CBFA2T3: variants seen among roughly 807,000 people sequenced by gnomAD.
The protein encoded by CBFA2T3 is transcriptional corepressor CBFA2T3.
Under a neutral mutation model 58.6 loss-of-function variants are expected in CBFA2T3, and 31 were observed. The observed-to-expected ratio is 0.53, with a 90% confidence interval of 0.40 to 0.71. The LOEUF is 0.71. Ranked by LOEUF, CBFA2T3 falls within the 30% of genes least tolerant of loss-of-function variation. The pLI is 0.00. For missense variants in CBFA2T3, 1,076 were observed against 963.1 expected (o/e 1.12, Z -1.55); for synonymous variants, 531 against 421.9 (o/e 1.26, Z -3.17).
intron 1 of CBFA2T3, among the ~76,000 whole-genome samples, chr16:88,908,536 C>T (rs574281803): frequency 3.2e-4 from 48 of 152,090 alleles, no homozygotes; most frequent in Non-Finnish European, 5.7e-4. Flanking sequence ...GTGCCGGGGC[C>T]GCTCATCCAT....
At position 88,878,101 on chromosome 16, in the gene CBFA2T3, C is replaced by T. The variant is rs529926282; in HGVS notation, c.1663-826G>A. 4.6e-5 allele frequency among the ~76,000 whole-genome samples: 7 copies of T among 152,380 alleles called. No individual in the cohort carries two copies. In the East Asian group the frequency reaches 1.3e-3, roughly 29 times the overall value. Reference sequence around the variant, plus strand: ...CGGTCCCTCCGCTGGGCCCGCTCCCCCGATGCCTGCGTGGCCAGCTTCATT... The same window carrying T: ...CGGTCCCTCCGCTGGGCCCGCTCCCTCGATGCCTGCGTGGCCAGCTTCATT... On this transcript the variant is annotated intron_variant, in intron 11 of 11. Coordinates refer to ENST00000268679, the MANE Select transcript of CBFA2T3 (RefSeq NM_005187.6).
At chr16:88,905,969 T>C (rs987508397) in intron 1 of CBFA2T3, among the ~76,000 whole-genome samples, 1 of 146,418 alleles carries the variant, frequency 6.8e-6, no homozygotes, top group African/African-American at 2.8e-5. Context: ...AGCAGGAGGC[T>C]GAGTCCTGCC....
chr16:88,881,358 C>G lies in CBFA2T3; in HGVS notation c.1335G>C (p.Lys445Asn), dbSNP rs1279172437. The change falls in exon 9 of 12, where the codon AAG (lysine) becomes AAC (asparagine). Residue 445 changes from lysine (K) to asparagine (N), a missense_variant. Transcript: ENST00000268679. The stretch of plus-strand genomic sequence containing the variant: ...GGGCCGCGGCGGGAGCGGGGCCCTT[C>G]TTTGTGTCCTCGGCGTCGCTGTAGC... ...ARRYSDAEDT[K>N]KGPAPAAARP... 4.4e-6 allele frequency: 7 copies of G among 1,586,136 alleles called. No individual in the cohort carries two copies. The highest frequency in any genetic ancestry group is 6.0e-6 in the Non-Finnish European group (7 of 1,167,896).
chr16:88,885,507 G>C lies in CBFA2T3; in HGVS notation c.894-238C>G, dbSNP rs558133215. Among the ~76,000 whole-genome samples, 3 of 152,246 alleles carry C rather than the reference G, an allele frequency of 2.0e-5. No individual in the cohort carries two copies. The highest frequency in any genetic ancestry group is 7.2e-5 in the African/African-American group (3 of 41,544). On this transcript the variant is annotated intron_variant, in intron 6 of 11. Coordinates refer to ENST00000268679, the MANE Select transcript of CBFA2T3 (RefSeq NM_005187.6). The surrounding 1 kb of genome is among the most constrained non-coding windows in gnomAD (Gnocchi z 5.3). Reference sequence around the variant, plus strand: ...CCTGCTCCAGCTGCATGGCATCCTGGGGCCTGGTGGTCAAAGAGCCGGACT... The same window carrying C: ...CCTGCTCCAGCTGCATGGCATCCTGCGGCCTGGTGGTCAAAGAGCCGGACT...
chr16:88,926,988 G>A (rs531663403), intron 1 of CBFA2T3, among the ~76,000 whole-genome samples: 2 of 152,234 alleles, frequency 1.3e-5, no homozygotes, highest in African/African-American at 4.8e-5. Context: ...TCCTGCCTCG[G>A]GCCTGGCACG....
chr16:88,943,874 C>G (rs1971828734), intron 1 of CBFA2T3, among the ~76,000 whole-genome samples: 1 of 152,184 alleles, frequency 6.6e-6, no homozygotes, highest in African/African-American at 2.4e-5. Flanking sequence ...GTCTGTCCGA[C>G]AAGGCCAGCG....
intron 2 of CBFA2T3, among the ~76,000 whole-genome samples, chr16:88,900,196 G>C (rs944195238): frequency 6.6e-6 from 1 of 152,256 alleles, no homozygotes; most frequent in African/African-American, 2.4e-5. Context: ...TAGGCTGTTT[G>C]GCTCCTACTG....
At chr16:88,974,136 C>A (rs934127727) in intron 1 of CBFA2T3, among the ~76,000 whole-genome samples, 2 of 152,232 alleles carry the variant, frequency 1.3e-5, no homozygotes, top group Admixed American at 6.5e-5. Flanking sequence ...GCACCCTCCT[C>A]GGGTGACCTG....
rs973351280 is a variant in CBFA2T3, at chr16:88,941,092, C to T, written c.151+35565G>A. ...GCGACTCGGTCCGGGAGTCGCTGCT[C>T]CTTCCAGCTTGGTCCCCGCCTCCAC... On this transcript the variant is annotated intron_variant, in intron 1 of 11. Transcript: ENST00000268679. 1.6e-5 allele frequency: 16 copies of T among 984,628 alleles called. No homozygotes were observed. In the African/African-American group the frequency reaches 2.4e-4, roughly 15 times the overall value. The allele number at this position is 984,628 out of a possible 1,614,324, so 61.0% of individuals were successfully genotyped here. A position where few individuals can be genotyped will look rare whatever the true frequency, so the allele number is the denominator to read the frequency against.
In CBFA2T3 at chr16:88,976,600, C is replaced by T. The variant is rs544957725; in HGVS notation, c.151+57G>A. 333 of 1,354,624 alleles carry T rather than the reference C, an allele frequency of 2.5e-4. No homozygotes were observed. In the African/African-American group the frequency reaches 3.6e-3, roughly 15 times the overall value. The allele number at this position is 1,354,624 out of a possible 1,614,324, so 83.9% of individuals were successfully genotyped here. A position where few individuals can be genotyped will look rare whatever the true frequency, so the allele number is the denominator to read the frequency against. ...GCGAAGCTCTAAGGAGTCACAGCCC[C>T]GGCACCGGCTGCCGCTCTCTGCCCC... On this transcript the variant is annotated intron_variant, in intron 1 of 11. Coordinates refer to ENST00000268679, the MANE Select transcript of CBFA2T3 (RefSeq NM_005187.6).
At chr16:88,881,555 C>A in intron 8 of CBFA2T3, 66 bp from the exon 9 acceptor site, 2 of 1,505,858 alleles carry the variant, frequency 1.3e-6, no homozygotes, top group East Asian at 2.3e-5. Context: ...ACTCCCCCAG[C>A]CCACTCGGCC....
At chr16:88,964,901 TATCCACTTATCC>T (rs1292566658) in intron 1 of CBFA2T3, among the ~76,000 whole-genome samples, 1 of 137,370 alleles carries the variant, frequency 7.3e-6, no homozygotes, top group African/African-American at 2.8e-5. Flanking sequence ...ATCCACCATC[TATCCACTTATCC>T]ATCCATCCAT....
intron 1 of CBFA2T3, among the ~76,000 whole-genome samples, chr16:88,971,212 C>T (rs1203559694): frequency 1.2e-4 from 18 of 152,128 alleles, no homozygotes; most frequent in South Asian, 6.2e-4. Context: ...TGGGTTCACA[C>T]GATTCTCCCG....
Position 88,974,123 on chromosome 16 carries a change from C to T in CBFA2T3, c.151+2534G>A, listed in dbSNP as rs552358813. Among the ~76,000 whole-genome samples the T allele has an allele frequency of 3.3e-5, 5 of 152,318 alleles. No homozygotes were observed. In the East Asian group the frequency reaches 9.6e-4, roughly 29 times the overall value. ...CAGGTGGATTTCAAAATCTCTGTCCCTGGCACCCTCCTCGGGTGACCTGGT... is the reference window on the plus strand; with the variant it reads ...CAGGTGGATTTCAAAATCTCTGTCCTTGGCACCCTCCTCGGGTGACCTGGT... On this transcript the variant is annotated intron_variant, in intron 1 of 11. Transcript: ENST00000268679.
chr16:88,971,708 C>T (rs747034932), intron 1 of CBFA2T3, among the ~76,000 whole-genome samples: 1 of 152,202 alleles, frequency 6.6e-6, no homozygotes, highest in Non-Finnish European at 1.5e-5. Flanking sequence ...GGTGGGTGGG[C>T]GGCCCTCAGA....
intron 1 of CBFA2T3, among the ~76,000 whole-genome samples, chr16:88,955,980 A>G (rs1972209748): frequency 6.7e-6 from 1 of 149,230 alleles, no homozygotes; most frequent in African/African-American, 2.5e-5. Flanking sequence ...GACCCCGCCC[A>G]AGGCTCCTGA....
At chr16:88,898,864 T>TA (rs1375627914) in intron 2 of CBFA2T3, among the ~76,000 whole-genome samples, 5 of 151,864 alleles carry the variant, frequency 3.3e-5, no homozygotes, top group Non-Finnish European at 5.9e-5. Context: ...CTCTACTATA[T>TA]AAAAAAAGAA....
At chr16:88,954,661 CCCTA>C (rs1972170495) in intron 1 of CBFA2T3, among the ~76,000 whole-genome samples, 2 of 45,244 alleles carry the variant, frequency 4.4e-5, no homozygotes, top group Non-Finnish European at 4.8e-5. Context: ...AGGCTCCTGA[CCCTA>C]CCCAAGGCTC....
chr16:88,947,195 G>C (rs1029042860), intron 1 of CBFA2T3, among the ~76,000 whole-genome samples: 1 of 152,282 alleles, frequency 6.6e-6, no homozygotes, highest in African/African-American at 2.4e-5. Context: ...AAGTCGGAAA[G>C]AGTAATGAGA....
Sources: allele counts gnomAD v4.1 joint callset (sites outside exome capture counted in the v4.1 genomes callset), GRCh38; gene constraint gnomAD v4.1.1; non-coding constraint Gnocchi (gnomAD v3.1); transcripts MANE v1.5; gene names NCBI Gene and HGNC (gene_info 2026-07-23, HGNC 2026-07-21).